The following MDH1B variants were observed in gnomAD, a reference collection of about 807,000 sequenced individuals.
The protein encoded by MDH1B is putative malate dehydrogenase 1B.
In MDH1B, 60 loss-of-function variants were observed where a neutral mutation model predicts 61.4. The observed-to-expected ratio is 0.98, with a 90% CI of 0.79 to 1.21. MDH1B has a LOEUF of 1.21. Ranked by LOEUF, MDH1B falls within the 50% of genes most tolerant of loss-of-function variation. The pLI, the probability that MDH1B is intolerant of heterozygous loss-of-function variation, is 0.00. For synonymous variants in MDH1B, 236 were observed against 218.7 expected (o/e 1.08, Z -0.70); for missense variants, 587 against 632.1 (o/e 0.93, Z 0.76).
intron 1 of MDH1B, among the ~76,000 whole-genome samples, 156 bp from the exon 2 acceptor site, chr2:206,761,169 T>C (rs1479810942): frequency 6.6e-6 from 1 of 152,250 alleles, no homozygotes; most frequent in East Asian, 1.9e-4. Context: ...AAACTTCTGA[T>C]GTTTATTAGA....
chr2:206,757,333 A>C lies in MDH1B; in HGVS notation c.174T>G (p.Ser58Arg). 6.2e-7 allele frequency: 1 copy of C among 1,613,818 alleles called. No homozygotes were observed. The highest frequency in any genetic ancestry group is 1.3e-5 in the African/African-American group (1 of 75,020). The change falls in exon 3 of 12, where the codon AGT becomes AGG. Residue 58 changes from serine (S) to arginine (R), a missense_variant. Physicochemically the swap from Ser to Arg is moderately radical, Grantham distance 110 (BLOSUM62 -1). Coordinates refer to ENST00000374412, the MANE Select transcript of MDH1B (RefSeq NM_001039845.3). ...LKDVCEKNKW[S>R]HKNSPIIWRE... ...TCCAGATGATAGGGGAATTCTTGTG[A>C]CTCCACTTATTCTTTTCACACACAT...
chr2:206,741,780 G>C (rs955091558), intron 9 of MDH1B, among the ~76,000 whole-genome samples: 3 of 152,118 alleles, frequency 2.0e-5, no homozygotes, highest in African/African-American at 7.2e-5. Flanking sequence ...AGTGGTTCTA[G>C]AGAAACAAAA....
At chr2:206,740,841 G>A (rs1687765884) in intron 10 of MDH1B, among the ~76,000 whole-genome samples, 1 of 152,144 alleles carries the variant, frequency 6.6e-6, no homozygotes, top group Non-Finnish European at 1.5e-5. Flanking sequence ...GGGAGAGTTT[G>A]AGGTGAATAT....
intron 10 of MDH1B, 132 bp downstream of exon 10, chr2:206,740,922 A>G: frequency 8.0e-7 from 1 of 1,244,074 alleles, no homozygotes; most frequent in Non-Finnish European, 1.1e-6. Flanking sequence ...AGTGTTTGTG[A>G]AGCATATGAA....
At chr2:206,742,757 T>A (rs1385852523) in intron 9 of MDH1B, among the ~76,000 whole-genome samples, 2 of 141,224 alleles carry the variant, frequency 1.4e-5, no homozygotes, top group Non-Finnish European at 3.0e-5. Flanking sequence ...CATTCTGTCA[T>A]CCAGGCTGGA....
intron 1 of MDH1B, among the ~76,000 whole-genome samples, chr2:206,764,152 G>A (rs1373508388): frequency 1.3e-5 from 2 of 152,052 alleles, no homozygotes; most frequent in African/African-American, 4.8e-5. Flanking sequence ...ACAAAAATTA[G>A]CTGGGCATGC....
intron 1 of MDH1B, among the ~76,000 whole-genome samples, chr2:206,763,328 T>A (rs1459221169): frequency 2.0e-5 from 3 of 151,826 alleles, no homozygotes; most frequent in Admixed American, 2.0e-4. Context: ...TTCTCCCTTA[T>A]CTGCCCTCCT....
At chr2:206,741,154 AC>A in intron 9 of MDH1B, 50 bp from the exon 10 acceptor site, 3 of 1,608,730 alleles carry the variant, frequency 1.9e-6, no homozygotes, top group South Asian at 2.2e-5. Flanking sequence ...ATAACCAACA[AC>A]CTAACTAGGT....
At chr2:206,756,673 G>T in intron 4 of MDH1B, 1 of 509,230 alleles carries the variant, frequency 2.0e-6, no homozygotes, top group Non-Finnish European at 3.5e-6. Flanking sequence ...CCAAGTGACT[G>T]TGTTTGTGTC....
At chr2:206,758,948 A>T (rs1574647768) in intron 2 of MDH1B, among the ~76,000 whole-genome samples, 1 of 148,200 alleles carries the variant, frequency 6.7e-6, no homozygotes, top group African/African-American at 2.5e-5. Flanking sequence ...TGTCCGTTCT[A>T]GGCCAAGGCT....
Position 206,738,462 on chromosome 2 carries a change from T to C in MDH1B, c.*21A>G, listed in dbSNP as rs1008582730. ...TTTATTGTGCTATCAAGTAATTATA[T>C]ATTTCATCCAATTTGATCTGTTAGG... is the stretch of plus-strand genomic sequence containing the variant. On this transcript the variant is annotated 3_prime_UTR_variant, in exon 12 of 12. Transcript: ENST00000374412. 12 of 1,534,158 alleles carry C rather than the reference T, an allele frequency of 7.8e-6. No individual in the cohort carries two copies. Among genetic ancestry groups the C allele is most frequent in the Non-Finnish European group, 1.1e-5 (12 of 1,121,512 alleles).
At chr2:206,748,403 T>A (rs559447239) in intron 7 of MDH1B, among the ~76,000 whole-genome samples, 1 of 152,348 alleles carries the variant, frequency 6.6e-6, no homozygotes, top group African/African-American at 2.4e-5. Flanking sequence ...AAATGTAGAA[T>A]TCTTCTGCAT....
intron 10 of MDH1B, 82 bp downstream of exon 10, chr2:206,740,972 A>G (rs1323129057): frequency 1.6e-5 from 26 of 1,585,138 alleles, no homozygotes; most frequent in Non-Finnish European, 2.2e-5. Flanking sequence ...TCGCTAGACC[A>G]TAACATTATT....
chr2:206,754,208 T>C (rs965625754), intron 5 of MDH1B, among the ~76,000 whole-genome samples: 2 of 152,198 alleles, frequency 1.3e-5, no homozygotes, highest in Non-Finnish European at 2.9e-5. Context: ...ACTGGGAACA[T>C]TCTAGGCTCA....
In MDH1B at chr2:206,745,606, A is replaced by G; in HGVS notation, c.1408+16T>C. 1 of 1,592,834 alleles carries G rather than the reference A, an allele frequency of 6.3e-7. No homozygotes were observed. ...TTTAATAGCAGTCCAATAAAACATC[A>G]CGTCTAAGAGCTTACCTGATTGGTA... On this transcript the variant is annotated intron_variant, in intron 9 of 11. Transcript: ENST00000374412.
chr2:206,750,870 G>A (rs1688395055), intron 6 of MDH1B, 64 bp downstream of exon 6: 4 of 1,329,034 alleles, frequency 3.0e-6, no homozygotes, highest in Non-Finnish European at 3.0e-6. Flanking sequence ...TGATTTAAAA[G>A]ATTACAACCA....
At chr2:206,753,554 T>G (rs1688576539) in intron 5 of MDH1B, among the ~76,000 whole-genome samples, 1 of 152,170 alleles carries the variant, frequency 6.6e-6, no homozygotes, top group African/African-American at 2.4e-5. Flanking sequence ...GGGGTTATCA[T>G]GAATCTTGCT....
intron 9 of MDH1B, among the ~76,000 whole-genome samples, chr2:206,742,891 A>G (rs573921250): frequency 1.5e-3 from 220 of 151,588 alleles, no homozygotes; most frequent in Admixed American, 2.7e-3. Context: ...TTGTTTTTGT[A>G]TTTTTAGTAG....
chr2:206,748,936 A>T, intron 7 of MDH1B, 84 bp downstream of exon 7: 1 of 1,190,138 alleles, frequency 8.4e-7, no homozygotes, highest in Non-Finnish European at 1.2e-6. Flanking sequence ...GTTAAGAGCT[A>T]GATGGGTGGG....
Sources: allele counts gnomAD v4.1 joint callset (sites outside exome capture counted in the v4.1 genomes callset), GRCh38; gene constraint gnomAD v4.1.1; transcripts MANE v1.5; gene names NCBI Gene and HGNC (gene_info 2026-07-23, HGNC 2026-07-21).